TRAT1: variants seen among roughly 807,000 people sequenced by gnomAD.
TRAT1 encodes the protein T-cell receptor-associated transmembrane adapter 1.
TRAT1 carries 20 observed loss-of-function variants against 20.0 expected under a neutral mutation model. That is an observed-to-expected ratio of 1.00 (90% CI 0.70 to 1.45). The LOEUF (loss-of-function observed/expected upper bound fraction) is 1.45, where lower values mean the gene tolerates loss of function less well. TRAT1 is among the 40% of genes most tolerant of loss of function. The pLI is 0.00. For missense variants in TRAT1, 237 were observed against 224.1 expected, an observed-to-expected ratio of 1.06 and a Z score of -0.37; for synonymous variants, 77 against 74.2, an observed-to-expected ratio of 1.04 and a Z score of -0.20.
At position 108,853,700 on chromosome 3, in the gene TRAT1, T is replaced by C. The variant is rs370112824; in HGVS notation, c.384T>C (p.Asn128=). The C allele has an allele frequency of 7.2e-5, 116 of 1,614,154 alleles. No individual in the cohort carries two copies. The highest frequency in any genetic ancestry group is 4.9e-4 in the Middle Eastern group (3 of 6,062). Residue 128 remains asparagine (N), a synonymous_variant, in exon 6 of 6, where the codon AAT becomes AAC. Coordinates refer to ENST00000295756, the MANE Select transcript of TRAT1 (RefSeq NM_016388.4). The part of the protein sequence containing the change: ...KGKRRKPRKQ[N]THFSDKDGDE... ...AGCGTAGAAAGCCCAGGAAACAGAA[T>C]ACTCATTTCTCAGACAAGGATGGAG...
At chr3:108,827,482 C>T (rs2715712) in intron 1 of TRAT1, among the ~76,000 whole-genome samples, 2 of 150,572 alleles carry the variant, frequency 1.3e-5, no homozygotes, top group African/African-American at 2.4e-5. Context: ...TAATATCTAC[C>T]CTTCTCATGT....
At chr3:108,827,315 A>C (rs1250562429) in intron 1 of TRAT1, among the ~76,000 whole-genome samples, 1 of 152,096 alleles carries the variant, frequency 6.6e-6, no homozygotes, top group African/African-American at 2.4e-5. Flanking sequence ...AGATACCCAC[A>C]GGAATATGGA....
intron 1 of TRAT1, among the ~76,000 whole-genome samples, chr3:108,823,871 T>A (rs1945713119): frequency 6.6e-6 from 1 of 152,118 alleles, no homozygotes; most frequent in Non-Finnish European, 1.5e-5. Flanking sequence ...GTATACAGTT[T>A]TTTTTGTTTG....
chr3:108,830,735 T>C lies in TRAT1; in HGVS notation c.73T>C (p.Ser25Pro), dbSNP rs767320331. Residue 25 changes from serine (S) to proline (P), a missense_variant, in exon 2 of 6, where the codon TCA becomes CCA. Physicochemically the swap from Ser to Pro is moderately conservative, Grantham distance 74. Transcript: ENST00000295756. ...LALLGLALVISLIFNISHYVE... is the reference protein window; with the variant it reads ...LALLGLALVIPLIFNISHYVE... ...ATTGTTGGGCTTGGCTTTGGTTATA[T>C]CACTGATCTTCAATATTTCCCACTA... 2 of 1,613,864 alleles carry C rather than the reference T, an allele frequency of 1.2e-6. No homozygotes were observed. The highest frequency in any genetic ancestry group is 1.3e-5 in the African/African-American group (1 of 74,934).
intron 5 of TRAT1, among the ~76,000 whole-genome samples, chr3:108,851,855 T>C (rs2107516922): frequency 6.6e-6 from 1 of 152,312 alleles, no homozygotes; most frequent in East Asian, 1.9e-4. Context: ...TCTTTAACTC[T>C]GCAGCACTTG....
At chr3:108,835,718 C>T (rs1945832815) in intron 2 of TRAT1, among the ~76,000 whole-genome samples, 1 of 152,000 alleles carries the variant, frequency 6.6e-6, no homozygotes, top group Non-Finnish European at 1.5e-5. Flanking sequence ...CTTTATTTTC[C>T]CCCCAAATTG....
At chr3:108,850,063 T>G (rs2922119) in intron 5 of TRAT1, among the ~76,000 whole-genome samples, 87,421 of 152,036 alleles carry the variant, frequency 0.58, 25,640 homozygotes, top group East Asian at 0.9. Context: ...TGCTTTATGT[T>G]CATTATCTCC....
At chr3:108,823,031 G>A (rs1478787393) in intron 1 of TRAT1, 97 bp downstream of exon 1, 2 of 1,063,536 alleles carry the variant, frequency 1.9e-6, no homozygotes, top group Non-Finnish European at 2.8e-6. Flanking sequence ...TTAGAAAGTA[G>A]TTATTTTAAA....
intron 2 of TRAT1, 115 bp from the exon 3 acceptor site, chr3:108,838,819 T>C (rs899421910): frequency 7.4e-6 from 6 of 815,680 alleles, no homozygotes; most frequent in Admixed American, 2.0e-5. Context: ...CTGAGAGCCT[T>C]GGTCAAATAT....
chr3:108,850,792 A>T (rs1008468860), intron 5 of TRAT1, among the ~76,000 whole-genome samples: 2 of 152,234 alleles, frequency 1.3e-5, no homozygotes, highest in South Asian at 2.1e-4. Flanking sequence ...AGGTTAAAAT[A>T]CATTATCTGA....
Position 108,830,679 on chromosome 3 carries a change from G to T in TRAT1, c.17G>T (p.Gly6Val). The change falls in exon 2 of 6, where the codon GGG (glycine) becomes GTG (valine). Residue 6 changes from glycine (G) to valine (V), a missense_variant. Physicochemically the swap from Gly to Val is moderately radical, Grantham distance 109. Transcript: ENST00000295756. Reference protein sequence around the residue: MSGISGCPFFLWGLLA... With the variant: MSGISVCPFFLWGLLA... Reference sequence around the variant, plus strand: ...TTATTTTAATTTCCAGGAATCTCTGGGTGCCCCTTTTTCCTCTGGGGACTT... The same window carrying T: ...TTATTTTAATTTCCAGGAATCTCTGTGTGCCCCTTTTTCCTCTGGGGACTT... 6.2e-7 allele frequency: 1 copy of T among 1,609,260 alleles called. No homozygotes were observed. Among genetic ancestry groups the T allele is most frequent in the Middle Eastern group, 1.7e-4 (1 of 6,056 alleles).
At chr3:108,827,941 T>G (rs764592929) in intron 1 of TRAT1, among the ~76,000 whole-genome samples, 16 of 152,208 alleles carry the variant, frequency 1.1e-4, no homozygotes, top group Non-Finnish European at 2.2e-4. Flanking sequence ...AGGTTGTTTC[T>G]TTGTAGCTGA....
intron 3 of TRAT1, among the ~76,000 whole-genome samples, chr3:108,846,213 T>C (rs1445018798): frequency 2.0e-5 from 3 of 152,224 alleles, no homozygotes; most frequent in Non-Finnish European, 4.4e-5. Context: ...CATTAACCTC[T>C]ATGAGCTGCA....
intron 1 of TRAT1, among the ~76,000 whole-genome samples, chr3:108,829,022 A>G (rs1275574754): frequency 6.6e-6 from 1 of 152,172 alleles, no homozygotes; most frequent in Admixed American, 6.5e-5. Context: ...TGATGAGTGA[A>G]TGATCAAGGT....
chr3:108,829,120 G>A (rs1945767977), intron 1 of TRAT1, among the ~76,000 whole-genome samples: 2 of 152,116 alleles, frequency 1.3e-5, no homozygotes, highest in Admixed American at 1.3e-4. Flanking sequence ...TTGGCCAAAG[G>A]TAAATGATTA....
intron 3 of TRAT1, among the ~76,000 whole-genome samples, chr3:108,839,579 G>A (rs1045133185): frequency 1.3e-5 from 2 of 151,810 alleles, no homozygotes; most frequent in Non-Finnish European, 2.9e-5. Flanking sequence ...CCGGGAGGCG[G>A]AGGTTGCAGT....
At chr3:108,839,025 G>C in intron 3 of TRAT1, 58 bp downstream of exon 3, 2 of 1,301,432 alleles carry the variant, frequency 1.5e-6, no homozygotes, top group Non-Finnish European at 2.2e-6. Flanking sequence ...AAGTAACAAT[G>C]CTATATTGTT....
At chr3:108,835,257 C>T (rs539567220) in intron 2 of TRAT1, among the ~76,000 whole-genome samples, 13 of 152,344 alleles carry the variant, frequency 8.5e-5, no homozygotes, top group African/African-American at 2.9e-4. Flanking sequence ...AACTACAAAC[C>T]TGACCACAAG....
At chr3:108,849,451 A>C (rs1945976185) in intron 5 of TRAT1, among the ~76,000 whole-genome samples, 197 bp downstream of exon 5, 1 of 152,190 alleles carries the variant, frequency 6.6e-6, no homozygotes, top group Non-Finnish European at 1.5e-5. Context: ...CACAATCACA[A>C]AGGCAATAGA....
Sources: allele counts gnomAD v4.1 joint callset (sites outside exome capture counted in the v4.1 genomes callset), GRCh38; gene constraint gnomAD v4.1.1; transcripts MANE v1.5; gene names NCBI Gene and HGNC (gene_info 2026-07-23, HGNC 2026-07-21).